CNTNAP2: variants seen among roughly 807,000 people sequenced by gnomAD.
The protein encoded by CNTNAP2 is contactin associated protein 2.
Under a neutral mutation model 155.2 loss-of-function variants are expected in CNTNAP2, and 98 were observed. The ratio of observed to expected loss-of-function variants is 0.63; its 90% CI spans 0.54 to 0.75. CNTNAP2 has a LOEUF of 0.75. Among genes scored for constraint, CNTNAP2 ranks in the 30% least tolerant of loss-of-function variants. The pLI is 0.00. For missense variants in CNTNAP2, 1,727 were observed against 1,688.1 expected, an observed-to-expected ratio of 1.02 and a Z score of -0.40; for synonymous variants, 651 against 631.2, an observed-to-expected ratio of 1.03 and a Z score of -0.47.
At chr7:147,292,114 T>C (rs1302055854) in intron 8 of CNTNAP2, among the ~76,000 whole-genome samples, 1 of 152,184 alleles carries the variant, frequency 6.6e-6, no homozygotes, top group Non-Finnish European at 1.5e-5. Context: ...TATCAAGTGA[T>C]TTTGATGTCC....
chr7:146,169,276 T>C (rs1798355796), intron 1 of CNTNAP2, among the ~76,000 whole-genome samples: 1 of 152,228 alleles, frequency 6.6e-6, no homozygotes, highest in African/African-American at 2.4e-5. Context: ...TAGGGATATT[T>C]ATCTCTTTTT....
chr7:146,689,548 G>A (rs1029393301), intron 1 of CNTNAP2, among the ~76,000 whole-genome samples: 2 of 151,998 alleles, frequency 1.3e-5, no homozygotes, highest in Non-Finnish European at 2.9e-5. Context: ...TCATTTATCT[G>A]TCTGTACCTC....
At chr7:146,624,719 G>A (rs1799391169) in intron 1 of CNTNAP2, among the ~76,000 whole-genome samples, 2 of 151,664 alleles carry the variant, frequency 1.3e-5, no homozygotes, top group African/African-American at 4.8e-5. Context: ...CTCTTTCCTT[G>A]CCATATAAGT....
At chr7:146,282,122 G>A (rs1023473485) in intron 1 of CNTNAP2, among the ~76,000 whole-genome samples, 1 of 152,124 alleles carries the variant, frequency 6.6e-6, no homozygotes, top group Non-Finnish European at 1.5e-5. Context: ...CTTGCCTATT[G>A]ACCAGTCTTT....
chr7:146,668,427 C>CGTGT (rs1563180570), intron 1 of CNTNAP2, among the ~76,000 whole-genome samples: 10 of 101,168 alleles, frequency 9.9e-5, no homozygotes, highest in African/African-American at 3.0e-4. Flanking sequence ...CTGTAATTTT[C>CGTGT]CTGTGTGTGT....
intron 3 of CNTNAP2, among the ~76,000 whole-genome samples, chr7:146,951,002 G>A (rs928906909): frequency 2.0e-5 from 3 of 151,972 alleles, no homozygotes; most frequent in African/African-American, 7.3e-5. Context: ...GGCGTGAGAT[G>A]GTATCTCATC....
intron 3 of CNTNAP2, among the ~76,000 whole-genome samples, chr7:146,894,951 C>G (rs1273140495): frequency 6.6e-6 from 1 of 152,130 alleles, no homozygotes; most frequent in Non-Finnish European, 1.5e-5. Context: ...AGCAAGTACT[C>G]TTTGCTTAGG....
intron 1 of CNTNAP2, among the ~76,000 whole-genome samples, chr7:146,500,304 A>G (rs1278234245): frequency 6.6e-6 from 1 of 152,192 alleles, no homozygotes; most frequent in Non-Finnish European, 1.5e-5. Flanking sequence ...TTGCCAAGGA[A>G]GAAGGCTTTA....
intron 10 of CNTNAP2, among the ~76,000 whole-genome samples, chr7:147,415,652 AGTTTTT>A (rs766265480): frequency 1.4e-4 from 22 of 152,340 alleles, no homozygotes; most frequent in Non-Finnish European, 2.4e-4. Flanking sequence ...AGTCTCAGGT[AGTTTTT>A]TATAGCAGTA....
intron 20 of CNTNAP2, among the ~76,000 whole-genome samples, chr7:148,241,249 C>G (rs576544437): frequency 1.3e-5 from 2 of 152,278 alleles, no homozygotes; most frequent in South Asian, 4.2e-4. Context: ...GTCTATGACC[C>G]AATAAAACGG....
At chr7:147,148,314 C>G (rs796411747) in intron 8 of CNTNAP2, among the ~76,000 whole-genome samples, 1 of 144,012 alleles carries the variant, frequency 6.9e-6, no homozygotes, top group African/African-American at 2.6e-5. Flanking sequence ...GGCGTGAACC[C>G]GGGAGGCGGA....
chr7:148,395,823 A>G (rs1488724339), intron 22 of CNTNAP2, among the ~76,000 whole-genome samples: 1 of 152,168 alleles, frequency 6.6e-6, no homozygotes, highest in Non-Finnish European at 1.5e-5. Flanking sequence ...TCCAGTGATA[A>G]AAAAGCAAAA....
In CNTNAP2 at chr7:146,183,610, A is replaced by AATAATAATAATAATAATAATC. The variant is rs1798580983; in HGVS notation, c.97+66657_97+66658insCATAATAATAATAATAATAAT. 8.8e-5 allele frequency among the ~76,000 whole-genome samples: 12 copies of AATAATAATAATAATAATAATC among 136,720 alleles called. No homozygotes were observed. The South Asian group carries it at 1.6e-3, about 19-fold the overall frequency. The allele number at this position is 136,720 out of a possible 152,430, so 89.7% of individuals were successfully genotyped here. A position where few individuals can be genotyped will look rare whatever the true frequency, so the allele number is the denominator to read the frequency against. ...CAGGAGAATTTATCACCACACAAAT[A>AATAATAATAATAATAATAATC]ATAATAATAATAATAATAATAATAA... On this transcript the variant is annotated intron_variant, in intron 1 of 23. Transcript: ENST00000361727.
intron 1 of CNTNAP2, among the ~76,000 whole-genome samples, chr7:146,674,219 T>A (rs994441383): frequency 2.0e-5 from 3 of 152,190 alleles, no homozygotes; most frequent in African/African-American, 7.2e-5. Context: ...TTTCAAGACC[T>A]CAGAACTGCC....
rs114450477 is a variant in CNTNAP2, at chr7:147,793,414, G to A, written c.2099-110151G>A. 8.6e-3 allele frequency among the ~76,000 whole-genome samples: 1,304 copies of A among 152,206 alleles called. 18 individuals are homozygous for A. The highest frequency in any genetic ancestry group is 0.03 in the African/African-American group (1,226 of 41,546). ...ATACTTTTGCATGTGTATACCAGGTGTAGCAGCTTCATTTATTGAAAAATA... is the reference window on the plus strand; with the variant it reads ...ATACTTTTGCATGTGTATACCAGGTATAGCAGCTTCATTTATTGAAAAATA... On this transcript the variant is annotated intron_variant, in intron 13 of 23. Transcript: ENST00000361727.
intron 19 of CNTNAP2, among the ~76,000 whole-genome samples, chr7:148,221,562 A>T (rs1795747902): frequency 6.6e-6 from 1 of 152,196 alleles, no homozygotes; most frequent in South Asian, 2.1e-4. Context: ...CAAATACAAC[A>T]TGTTTTTATT....
At chr7:146,456,632 T>C (rs1796559157) in intron 1 of CNTNAP2, among the ~76,000 whole-genome samples, 2 of 152,198 alleles carry the variant, frequency 1.3e-5, no homozygotes, top group Admixed American at 1.3e-4. Context: ...TTTTAATTAA[T>C]CTTCTCCCAA....
chr7:147,462,145 A>T (rs1417730969), intron 10 of CNTNAP2, among the ~76,000 whole-genome samples: 1 of 152,144 alleles, frequency 6.6e-6, no homozygotes, highest in Non-Finnish European at 1.5e-5. Flanking sequence ...CAGCTCAAGC[A>T]CCACATCTAA....
chr7:146,250,861 C>T (rs992644509), intron 1 of CNTNAP2, among the ~76,000 whole-genome samples: 2 of 152,024 alleles, frequency 1.3e-5, no homozygotes, highest in African/African-American at 4.8e-5. Flanking sequence ...CTTAAGTATG[C>T]CTTGTAAGTA....
Sources: gnomAD v4.1 joint callset for allele counts (sites outside exome capture counted in the v4.1 genomes callset) on GRCh38, gnomAD v4.1.1 for gene constraint, MANE v1.5 for transcripts, NCBI Gene and HGNC (gene_info 2026-07-23, HGNC 2026-07-21) for gene names.